LZTS3: variants seen among roughly 807,000 people sequenced by gnomAD.
LZTS3 encodes leucine zipper putative tumor suppressor 3.
LZTS3 carries 16 observed loss-of-function variants against 50.9 expected under a neutral mutation model. The observed-to-expected ratio is 0.31, with a 90% confidence interval of 0.21 to 0.48. LZTS3 has a LOEUF of 0.48. Among genes scored for constraint, LZTS3 ranks in the 20% least tolerant of loss-of-function variants. LZTS3 has a pLI of 0.99. For synonymous variants in LZTS3, 408 were observed against 410.6 expected (o/e 0.99, Z 0.08); for missense variants, 816 against 931.0 (o/e 0.88, Z 1.61).
At chr20:3,170,929 G>A (rs1025513369) in intron 1 of LZTS3, among the ~76,000 whole-genome samples, 1 of 152,184 alleles carries the variant, frequency 6.6e-6, no homozygotes, top group African/African-American at 2.4e-5. Flanking sequence ...TGAGATTCAA[G>A]GGCTTTTTTA....
rs751817673 is a variant in LZTS3 at position 3,165,942 on chromosome 20, C to T, written c.878G>A (p.Arg293Gln). The change falls in exon 4 of 5, where the codon CGG (arginine) becomes CAG (glutamine). Residue 293 changes from arginine (R) to glutamine (Q), a missense_variant. Arg to Gln is a conservative substitution (Grantham distance 43, BLOSUM62 1). This residue lies in a region of LZTS3 where 700 missense variants were observed against 769.4 expected (regional missense o/e 0.91). Coordinates refer to ENST00000337576, the MANE Select transcript of LZTS3 (RefSeq NM_001365618.1). This position sits in a 1 kb window ranked among gnomAD's most constrained non-coding sequence, Gnocchi z 5.0. ...SKSGSSSSMG[R>Q]PGHLGSGEGG... ...CTCCCCAGAGCCCAGGTGGCCTGGC[C>T]GCCCCATAGATGACGACGACCCACT... 11 of 1,612,322 alleles carry T rather than the reference C, an allele frequency of 6.8e-6. No individual in the cohort carries two copies. The Admixed American group carries it at 1.2e-4, about 17-fold the overall frequency.
chr20:3,170,387 G>T (rs2066886982), intron 1 of LZTS3, among the ~76,000 whole-genome samples: 1 of 150,508 alleles, frequency 6.6e-6, no homozygotes, highest in Non-Finnish European at 1.5e-5. Context: ...TACTCAGGAG[G>T]CTGAGGTGGG....
At position 3,165,989 on chromosome 20, in the gene LZTS3, A is replaced by G. The variant is rs200929066; in HGVS notation, c.831T>C (p.Asp277=). 2.9e-5 allele frequency: 47 copies of G among 1,613,258 alleles called. No homozygotes were observed. Among genetic ancestry groups the G allele is most frequent in the Non-Finnish European group, 3.6e-5 (42 of 1,179,994 alleles). ...CACTCTTGCTGGAGGCCCGTCCACT[A>G]TCGGAGGTCCCCAGGTCCTGGTAGC... ...GSGYQDLGTS[D]SGRASSKSGS... is the part of the protein sequence containing the mutation. Residue 277 remains aspartate (D), a synonymous_variant, in exon 4 of 5, where the codon GAT becomes GAC. Coordinates refer to ENST00000337576, the MANE Select transcript of LZTS3 (RefSeq NM_001365618.1). This position sits in a 1 kb window ranked among gnomAD's most constrained non-coding sequence, Gnocchi z 5.0.
intron 1 of LZTS3, among the ~76,000 whole-genome samples, chr20:3,169,819 C>T (rs1304000548): frequency 7.0e-6 from 1 of 143,142 alleles, no homozygotes; most frequent in Non-Finnish European, 1.5e-5. Flanking sequence ...GCAGAGGTTG[C>T]AGTGAGCTGT....
Position 3,166,711 on chromosome 20 carries a change from T to C in LZTS3, c.453A>G (p.Leu151=). ...TCAGGCCCTGCGGACTGACCTGGTC[T>C]AGCTTGCCAGAGGTGGCCAGGAGCT... The part of the protein sequence containing the change: ...PPKLLATSGK[L]DQCSEPLVRP... Residue 151 remains leucine (L), a synonymous_variant, in exon 3 of 5, where the codon CTA becomes CTG. Transcript: ENST00000337576. 6.2e-7 allele frequency: 1 copy of C among 1,613,270 alleles called. No homozygotes were observed. Among genetic ancestry groups the C allele is most frequent in the Non-Finnish European group, 8.5e-7 (1 of 1,179,496 alleles).
At chr20:3,171,211 C>T (rs1173244762) in intron 1 of LZTS3, among the ~76,000 whole-genome samples, 1 of 152,110 alleles carries the variant, frequency 6.6e-6, no homozygotes, top group East Asian at 1.9e-4. Context: ...TAGGTTGGGG[C>T]TGGTCATAGG....
In LZTS3 at chr20:3,164,568, C is replaced by T. The variant is rs746527906; in HGVS notation, c.1908G>A (p.Arg636=). ...CCCCTGCGGCCCCGCGCTCCCGCAGCCTGCGCTCCAGCTGCTGGTTGCGCT... is the reference window on the plus strand; with the variant it reads ...CCCCTGCGGCCCCGCGCTCCCGCAGTCTGCGCTCCAGCTGCTGGTTGCGCT... ...MYQRNQQLER[R]LRERGAAGGA... The change falls in exon 5 of 5, where the codon AGG becomes AGA. Residue 636 remains arginine (R), a synonymous_variant. Transcript: ENST00000337576. The T allele has an allele frequency of 9.3e-6, 15 of 1,610,782 alleles. No individual in the cohort carries two copies. Among genetic ancestry groups the T allele is most frequent in the Admixed American group, 1.7e-5 (1 of 59,630 alleles).
At position 3,165,502 on chromosome 20, in the gene LZTS3, A is replaced by G; in HGVS notation, c.1318T>C (p.Trp440Arg). 1 of 1,515,994 alleles carries G rather than the reference A, an allele frequency of 6.6e-7. No individual in the cohort carries two copies. 93.9% of individuals were successfully genotyped at this position (1,515,994 alleles called of 1,614,324 possible). Residue 440 changes from tryptophan to arginine, a missense_variant, in exon 4 of 5, where the codon TGG becomes CGG. Around this residue, in one of 3 missense-constraint regions of LZTS3, gnomAD observed 700 missense variants for 769.4 expected, o/e 0.91. Coordinates refer to ENST00000337576, the MANE Select transcript of LZTS3 (RefSeq NM_001365618.1). The surrounding 1 kb of genome is among the most constrained non-coding windows in gnomAD (Gnocchi z 5.0). Reference protein sequence around the residue: ...DFLPRIEETKWEVCQKAGEIS... With the variant: ...DFLPRIEETKREVCQKAGEIS... ...CCCAGATCCCCAGCCCGCACCTCCC[A>G]CTTAGTTTCCTCTATCCGGGGCAGG...
intron 1 of LZTS3, among the ~76,000 whole-genome samples, chr20:3,172,250 T>A (rs1258228800): frequency 6.6e-6 from 1 of 152,200 alleles, no homozygotes; most frequent in African/African-American, 2.4e-5. Context: ...CAGCTCCAAG[T>A]GTAAATCCCA....
At chr20:3,170,352 G>A (rs562483184) in intron 1 of LZTS3, among the ~76,000 whole-genome samples, 2 of 151,680 alleles carry the variant, frequency 1.3e-5, no homozygotes, top group South Asian at 4.2e-4. Flanking sequence ...TTAGCTGGGC[G>A]TGGTGGTGCG....
intron 1 of LZTS3, among the ~76,000 whole-genome samples, chr20:3,170,476 G>T (rs548895317): frequency 2.7e-4 from 17 of 62,914 alleles, no homozygotes; most frequent in Non-Finnish European, 4.7e-4. Context: ...AAGACAGAGC[G>T]AGACTACATC....
chr20:3,173,001 C>CA (rs2066917423), intron 1 of LZTS3, among the ~76,000 whole-genome samples: 2 of 152,060 alleles, frequency 1.3e-5, no homozygotes, highest in African/African-American at 4.8e-5. Context: ...CCGAGAGCGC[C>CA]CCCTCCACCC....
rs11318387 is a variant in LZTS3, at chr20:3,165,391, AT to A, written c.1323+105del. ...GATTTTTGTCCCCCCTGCTCCTTTC[AT>A]CCCCCCCCCCATCCCACCGTTATGA... is the stretch of plus-strand genomic sequence containing the variant. On this transcript the variant is annotated intron_variant, in intron 4 of 4. Coordinates refer to ENST00000337576, the MANE Select transcript of LZTS3 (RefSeq NM_001365618.1). The surrounding 1 kb of genome is among the most constrained non-coding windows in gnomAD (Gnocchi z 5.0). 0.18 allele frequency: 163,764 copies of A among 925,458 alleles called. 12,078 individuals are homozygous for A. Among genetic ancestry groups the A allele is most frequent in the East Asian group, 0.36 (11,893 of 33,156 alleles). 57.3% of individuals were successfully genotyped at this position (925,458 alleles called of 1,614,324 possible).
intron 1 of LZTS3, among the ~76,000 whole-genome samples, chr20:3,171,138 A>C (rs1227869544): frequency 6.6e-6 from 1 of 152,174 alleles, no homozygotes; most frequent in African/African-American, 2.4e-5. Flanking sequence ...TTTGTAAACT[A>C]TAAGGGGCAA....
intron 2 of LZTS3, chr20:3,167,415 C>T (rs1447167151): frequency 3.3e-6 from 4 of 1,228,070 alleles, no homozygotes; most frequent in African/African-American, 1.6e-5. Flanking sequence ...GCTCCATGCA[C>T]ATAGCCCCCA....
intron 1 of LZTS3, among the ~76,000 whole-genome samples, chr20:3,171,827 C>T (rs1267520285): frequency 2.0e-5 from 3 of 152,310 alleles, no homozygotes; most frequent in Admixed American, 6.5e-5. Context: ...GTGCACCACC[C>T]TGAGATGACA....
At chr20:3,173,398 A>C (rs1216317303) in intron 1 of LZTS3, 57 bp downstream of exon 1, 1 of 152,178 alleles carries the variant, frequency 6.6e-6, no homozygotes, top group Non-Finnish European at 1.5e-5. Context: ...GCAGTGCAGC[A>C]GGCACGGCGG....
In LZTS3 at chr20:3,165,389, T is replaced by TGGGGGG; in HGVS notation, c.1323+107_1323+108insCCCCCC. 1 of 1,229,594 alleles carries TGGGGGG rather than the reference T, an allele frequency of 8.1e-7. No homozygotes were observed. Among genetic ancestry groups the TGGGGGG allele is most frequent in the Non-Finnish European group, 1.1e-6 (1 of 926,162 alleles). 76.2% of individuals were successfully genotyped at this position (1,229,594 alleles called of 1,614,324 possible). ...TTGATTTTTGTCCCCCCTGCTCCTT[T>TGGGGGG]CATCCCCCCCCCCATCCCACCGTTA... On this transcript the variant is annotated intron_variant, in intron 4 of 4. Coordinates refer to ENST00000337576, the MANE Select transcript of LZTS3 (RefSeq NM_001365618.1). This position sits in a 1 kb window ranked among gnomAD's most constrained non-coding sequence, Gnocchi z 5.0.
In LZTS3 at chr20:3,166,833, C is replaced by T. The variant is rs1214005518; in HGVS notation, c.331G>A (p.Val111Ile). 6.2e-7 allele frequency: 1 copy of T among 1,613,798 alleles called. No individual in the cohort carries two copies. Among genetic ancestry groups the T allele is most frequent in the Non-Finnish European group, 8.5e-7 (1 of 1,180,022 alleles). ...CTGCTGCCAACCACGTTGCCACAGA[C>T]ATCGGTGTGGTCACTGCCCCGCAGC... is the stretch of plus-strand genomic sequence containing the variant. Reference protein sequence around the residue: ...GELRGSDHTDVCGNVVGSSGG... With the variant: ...GELRGSDHTDICGNVVGSSGG... The change falls in exon 3 of 5, where the codon GTC (valine) becomes ATC (isoleucine). Residue 111 changes from valine to isoleucine, a missense_variant. Transcript: ENST00000337576.
Sources: gnomAD v4.1 joint callset for allele counts (sites outside exome capture counted in the v4.1 genomes callset) on GRCh38, gnomAD v4.1.1 for gene constraint, gnomAD v4.1.1 regional missense constraint, Gnocchi (gnomAD v3.1) non-coding constraint, MANE v1.5 for transcripts, NCBI Gene and HGNC (gene_info 2026-07-23, HGNC 2026-07-21) for gene names.